Variants in NEMP2 observed in about 807,000 individuals in gnomAD.
The protein encoded by NEMP2 is nuclear envelope integral membrane protein 2.
A neutral mutation model predicts 54.2 loss-of-function variants in NEMP2; 53 were observed. The observed-to-expected ratio is 0.98, with a 90% CI of 0.78 to 1.23. The LOEUF is 1.23. NEMP2 is among the 50% of genes most tolerant of loss of function. The pLI, the probability that NEMP2 is intolerant of heterozygous loss-of-function variation, is 0.00. For missense variants in NEMP2, 455 were observed against 511.3 expected (o/e 0.89, Z 1.06); for synonymous variants, 197 against 190.3 (o/e 1.04, Z -0.29).
chr2:190,495,216 T>C, the NEMP2 span, among the ~76,000 whole-genome samples: 1 of 152,040 alleles, frequency 6.6e-6, no homozygotes, highest in South Asian at 2.1e-4. The surrounding 1 kb of genome is among the most constrained non-coding windows in gnomAD (Gnocchi z 4.7). Context: ...GTGACCAAGA[T>C]GAGAATCAAA....
chr2:190,534,334 T>C lies in NEMP2; in HGVS notation c.97+225A>G, dbSNP rs1691278796. ...ACTGGATCGCGCGGTTGCTTCTAAT[T>C]CTAAAATTACAAAATGTCCAACTGC... On this transcript the variant is annotated intron_variant, in intron 1 of 8. Coordinates refer to ENST00000409150, the MANE Select transcript of NEMP2 (RefSeq NM_001142645.2). 7.5e-6 allele frequency: 9 copies of C among 1,194,982 alleles called. No individual in the cohort carries two copies. In the South Asian group the frequency reaches 2.1e-4, roughly 28 times the overall value. 74.0% of individuals were successfully genotyped at this position (1,194,982 alleles called of 1,614,324 possible). A position where few individuals can be genotyped will look rare whatever the true frequency, so the allele number is the denominator to read the frequency against.
At position 190,521,594 on chromosome 2, in the gene NEMP2, T is replaced by C. The variant is rs1166624892; in HGVS notation, c.214-2411A>G. Among the ~76,000 whole-genome samples the C allele has an allele frequency of 6.6e-6, 1 of 152,206 alleles. No individual in the cohort carries two copies. The highest frequency in any genetic ancestry group is 1.5e-5 in the Non-Finnish European group (1 of 68,030). On this transcript the variant is annotated intron_variant, in intron 2 of 8. Coordinates refer to ENST00000409150, the MANE Select transcript of NEMP2 (RefSeq NM_001142645.2). The surrounding 1 kb of genome is among the most constrained non-coding windows in gnomAD (Gnocchi z 6.2). ...GCTTCTTGTTGCAATAAAATTCCTT[T>C]AAAAAGCTGCCTGTGCCTGCAGTCT...
At chr2:190,636,427 G>T in the NEMP2 span, among the ~76,000 whole-genome samples, 1 of 152,148 alleles carries the variant, frequency 6.6e-6, no homozygotes, top group African/African-American at 2.4e-5. Flanking sequence ...TTTTCAGAAG[G>T]ATTAAAGTTT....
the NEMP2 span, among the ~76,000 whole-genome samples, chr2:190,633,426 G>A: frequency 1.1e-3 from 169 of 150,494 alleles, no homozygotes; most frequent in African/African-American, 3.8e-3. Context: ...TGATTCTCTC[G>A]CCTCAGCCTC....
the NEMP2 span, among the ~76,000 whole-genome samples, chr2:190,605,733 C>T: frequency 6.6e-6 from 1 of 152,188 alleles, no homozygotes; most frequent in Non-Finnish European, 1.5e-5. Flanking sequence ...TTTCTTGTTC[C>T]ACATGGCCAT....
chr2:190,493,807 T>C, the NEMP2 span, among the ~76,000 whole-genome samples: 3 of 152,016 alleles, frequency 2.0e-5, no homozygotes, highest in Non-Finnish European at 4.4e-5. Context: ...AAATTTAAAA[T>C]TGAACTGAAC....
chr2:190,600,855 C>T, the NEMP2 span, among the ~76,000 whole-genome samples: 212 of 152,218 alleles, frequency 1.4e-3, 1 homozygote, highest in Non-Finnish European at 2.6e-3. This position sits in a 1 kb window ranked among gnomAD's most constrained non-coding sequence, Gnocchi z 4.9. Flanking sequence ...CAGGAATGTG[C>T]GGTGGCAGCC....
the NEMP2 span, among the ~76,000 whole-genome samples, chr2:190,627,623 A>T: frequency 6.7e-6 from 1 of 149,900 alleles, no homozygotes; most frequent in African/African-American, 2.4e-5. The surrounding 1 kb of genome is among the most constrained non-coding windows in gnomAD (Gnocchi z 4.4). Context: ...ACATCTTCCC[A>T]GATTGTATTT....
the NEMP2 span, among the ~76,000 whole-genome samples, chr2:190,433,027 A>G: frequency 1.3e-5 from 2 of 152,172 alleles, no homozygotes; most frequent in South Asian, 2.1e-4. The surrounding 1 kb of genome is among the most constrained non-coding windows in gnomAD (Gnocchi z 4.5). Flanking sequence ...TCTTTTACCA[A>G]TTGTTTACTT....
chr2:190,576,332 A>G, the NEMP2 span, among the ~76,000 whole-genome samples: 1 of 152,122 alleles, frequency 6.6e-6, no homozygotes. Context: ...ATCAGGTTGT[A>G]TTTGTTACTA....
At chr2:190,536,354 C>A (rs1691378585), upstream of NEMP2, among the ~76,000 whole-genome samples, 1 of 152,162 alleles carries the variant, frequency 6.6e-6, no homozygotes, top group Non-Finnish European at 1.5e-5. Flanking sequence ...GAAGCACAAA[C>A]CTTCTGCCCT....
At chr2:190,487,075 CA>C in the NEMP2 span, among the ~76,000 whole-genome samples, 1 of 152,158 alleles carries the variant, frequency 6.6e-6, no homozygotes, top group African/African-American at 2.4e-5. This position sits in a 1 kb window ranked among gnomAD's most constrained non-coding sequence, Gnocchi z 5.5. Flanking sequence ...TGGCTGGGTG[CA>C]GTGGCTCACT....
the NEMP2 span, among the ~76,000 whole-genome samples, chr2:190,431,600 C>G: frequency 6.6e-6 from 1 of 152,154 alleles, no homozygotes; most frequent in African/African-American, 2.4e-5. The surrounding 1 kb of genome is among the most constrained non-coding windows in gnomAD (Gnocchi z 4.4). Flanking sequence ...AGGCACTTGG[C>G]AGGCTGAGGC....
Position 190,518,802 on chromosome 2 carries a change from T to C in NEMP2, c.452A>G (p.Asp151Gly). The part of the protein sequence containing the change: ...YMIHVNRNIM[D>G]FKLFLVFVAG... ...CACAAACACAAGGAAGAGTTTGAAA[T>C]CCATGACTGGAGTAAAAAAGACACA... is the stretch of plus-strand genomic sequence containing the variant. Residue 151 changes from aspartate (D) to glycine (G), a missense_variant, in exon 4 of 9, where the codon GAT becomes GGT. Transcript: ENST00000409150. The C allele has an allele frequency of 6.5e-7, 1 of 1,546,064 alleles. No individual in the cohort carries two copies. The highest frequency in any genetic ancestry group is 8.7e-7 in the Non-Finnish European group (1 of 1,145,814).
At chr2:190,518,690 A>G in intron 4 of NEMP2, 46 bp downstream of exon 4, 1 of 1,399,960 alleles carries the variant, frequency 7.1e-7, no homozygotes. Context: ...AATGATCTAA[A>G]TCCCTTTTCA....
At chr2:190,642,354 A>T in the NEMP2 span, among the ~76,000 whole-genome samples, 1 of 152,226 alleles carries the variant, frequency 6.6e-6, no homozygotes, top group Non-Finnish European at 1.5e-5. This position sits in a 1 kb window ranked among gnomAD's most constrained non-coding sequence, Gnocchi z 4.1. Context: ...TTTTGAATAT[A>T]CAAAAGAGGA....
At chr2:190,608,264 A>T in the NEMP2 span, 22 of 152,310 alleles carry the variant, frequency 1.4e-4, no homozygotes, top group East Asian at 3.3e-3. The surrounding 1 kb of genome is among the most constrained non-coding windows in gnomAD (Gnocchi z 4.9). Context: ...GAGAGTAGTG[A>T]TGCTGGCAAT....
chr2:190,478,908 A>T, the NEMP2 span, among the ~76,000 whole-genome samples: 8 of 152,206 alleles, frequency 5.3e-5, no homozygotes, highest in South Asian at 1.7e-3. Flanking sequence ...CACGAGAACT[A>T]GTACTGTCTA....
the NEMP2 span, among the ~76,000 whole-genome samples, chr2:190,489,127 C>T: frequency 1.3e-5 from 2 of 152,144 alleles, no homozygotes; most frequent in Admixed American, 6.5e-5. This position sits in a 1 kb window ranked among gnomAD's most constrained non-coding sequence, Gnocchi z 6.6. Flanking sequence ...AAATAAGGTA[C>T]CTTAAACCTG....
Sources: allele counts gnomAD v4.1 joint callset (sites outside exome capture counted in the v4.1 genomes callset), GRCh38; gene constraint gnomAD v4.1.1; non-coding constraint Gnocchi (gnomAD v3.1); transcripts MANE v1.5; gene names NCBI Gene and HGNC (gene_info 2026-07-23, HGNC 2026-07-21).